CTNNA2: variants seen among roughly 807,000 people sequenced by gnomAD.
CTNNA2 encodes catenin alpha 2.
CTNNA2 carries 42 observed loss-of-function variants against 101.0 expected under a neutral mutation model. The observed-to-expected ratio is 0.42, with a 90% CI of 0.32 to 0.54. CTNNA2 has a LOEUF of 0.54. CTNNA2 is among the 20% of genes least tolerant of loss of function. The pLI is 0.14. For missense variants in CTNNA2, 871 were observed against 1,223.1 expected (o/e 0.71, Z 4.29); for synonymous variants, 450 against 456.4 (o/e 0.99, Z 0.18).
chr2:79,436,413 G>A (rs1182250313), intron 4 of CTNNA2, among the ~76,000 whole-genome samples: 1 of 152,142 alleles, frequency 6.6e-6, no homozygotes, highest in Non-Finnish European at 1.5e-5. Flanking sequence ...TTGGCTAAAT[G>A]TGCTGGGTAG....
At chr2:79,286,941 G>T (rs575100099) in intron 2 of CTNNA2, among the ~76,000 whole-genome samples, 486 of 152,222 alleles carry the variant, frequency 3.2e-3, no homozygotes, top group African/African-American at 0.011. Flanking sequence ...TTTCTTGGAG[G>T]CTTTGCTCAT....
intron 7 of CTNNA2, among the ~76,000 whole-genome samples, chr2:79,916,666 T>C (rs1284943086): frequency 6.1e-5 from 9 of 148,244 alleles, no homozygotes; most frequent in Admixed American, 3.4e-4. Context: ...AGCTGCAAGC[T>C]CCACCTCCTG....
chr2:79,780,375 A>G (rs1310178224), intron 3 of CTNNA2, among the ~76,000 whole-genome samples: 1 of 152,182 alleles, frequency 6.6e-6, no homozygotes, highest in Non-Finnish European at 1.5e-5. Flanking sequence ...CTTTTTGTGA[A>G]CAATCACATT....
chr2:79,758,890 AAAAC>A (rs573746180), intron 3 of CTNNA2, among the ~76,000 whole-genome samples: 6 of 152,224 alleles, frequency 3.9e-5, no homozygotes, highest in Non-Finnish European at 5.9e-5. Flanking sequence ...TTTTGAAAAG[AAAAC>A]AAACAGGTCA....
chr2:80,593,807 G>C (rs535041353), intron 15 of CTNNA2, among the ~76,000 whole-genome samples: 1 of 152,022 alleles, frequency 6.6e-6, no homozygotes, highest in Non-Finnish European at 1.5e-5. Flanking sequence ...ACTCAAATGC[G>C]TTTCCTTTTA....
At chr2:80,647,095 TTGATAC>T (rs1674183228) in intron 18 of CTNNA2, among the ~76,000 whole-genome samples, 1 of 152,216 alleles carries the variant, frequency 6.6e-6, no homozygotes, top group African/African-American at 2.4e-5. Context: ...AATAGTTAAA[TTGATAC>T]TCCAAGCTCA....
At chr2:80,602,788 GAA>G (rs1277886493) in intron 15 of CTNNA2, among the ~76,000 whole-genome samples, 8 of 152,120 alleles carry the variant, frequency 5.3e-5, no homozygotes, top group African/African-American at 1.9e-4. Flanking sequence ...CTACTTTGTG[GAA>G]GAGTTAACGT....
chr2:79,738,568 G>A (rs1356168599), intron 2 of CTNNA2, among the ~76,000 whole-genome samples: 1 of 152,210 alleles, frequency 6.6e-6, no homozygotes, highest in Non-Finnish European at 1.5e-5. Context: ...GGACGGTAAT[G>A]TATGTTCCTT....
At chr2:79,399,020 C>A (rs957732425) in intron 4 of CTNNA2, among the ~76,000 whole-genome samples, 2 of 151,994 alleles carry the variant, frequency 1.3e-5, no homozygotes, top group African/African-American at 4.8e-5. Context: ...TGAATTTAGC[C>A]CATCACATCC....
At chr2:79,342,937 T>G (rs1414094908) in intron 3 of CTNNA2, among the ~76,000 whole-genome samples, 3 of 152,196 alleles carry the variant, frequency 2.0e-5, no homozygotes, top group Non-Finnish European at 4.4e-5. Context: ...TTAAGCGACC[T>G]GCAGGGCCTT....
At chr2:80,447,969 G>GT (rs1190734295) in intron 9 of CTNNA2, among the ~76,000 whole-genome samples, 2 of 152,190 alleles carry the variant, frequency 1.3e-5, no homozygotes, top group Non-Finnish European at 2.9e-5. Context: ...AGATAGCAAT[G>GT]TAACAATAGA....
Position 80,019,716 on chromosome 2 carries a change from C to T in CTNNA2, c.1056+109919C>T, listed in dbSNP as rs562067838. Among the ~76,000 whole-genome samples, 5 of 152,300 alleles carry T rather than the reference C, an allele frequency of 3.3e-5. No individual in the cohort carries two copies. In the South Asian group the frequency reaches 1.0e-3, roughly 32 times the overall value. ...TCTCTTGCCCCTCAGAAACAGCTCC[C>T]AAATTCCTAAAGTAGCATCCTTGTC... On this transcript the variant is annotated intron_variant, in intron 7 of 18. Coordinates refer to ENST00000402739, the MANE Select transcript of CTNNA2 (RefSeq NM_001282597.3).
intron 2 of CTNNA2, among the ~76,000 whole-genome samples, chr2:79,710,593 T>G (rs1392414866): frequency 6.6e-5 from 10 of 152,188 alleles, no homozygotes; most frequent in South Asian, 2.1e-4. Flanking sequence ...CATTTTATTT[T>G]TATTACCTCA....
intron 3 of CTNNA2, among the ~76,000 whole-genome samples, chr2:79,832,855 G>A (rs2105434448): frequency 6.6e-6 from 1 of 152,310 alleles, no homozygotes; most frequent in East Asian, 1.9e-4. Context: ...AGTATATCCA[G>A]ACAGTTCTCC....
At chr2:80,255,032 AG>A (rs952825680) in intron 7 of CTNNA2, among the ~76,000 whole-genome samples, 11 of 152,108 alleles carry the variant, frequency 7.2e-5, no homozygotes, top group African/African-American at 2.7e-4. Flanking sequence ...GAGCAGGTCT[AG>A]GGGGATGAAT....
At chr2:79,314,051 T>C (rs1676441891) in intron 3 of CTNNA2, among the ~76,000 whole-genome samples, 1 of 152,084 alleles carries the variant, frequency 6.6e-6, no homozygotes, top group Non-Finnish European at 1.5e-5. Context: ...CTGTTAGTCA[T>C]TTTTCCTAAC....
rs191345376 is a variant in CTNNA2, at chr2:79,595,189, C to G, written c.-5-56363C>G. On this transcript the variant is annotated intron_variant, in intron 1 of 18. Transcript: ENST00000402739. ...CTCTCACCCGGTTCTGCACTTGTCTCTGACTTAGCCTTGTCTTTTTTCATA... is the reference window on the plus strand; with the variant it reads ...CTCTCACCCGGTTCTGCACTTGTCTGTGACTTAGCCTTGTCTTTTTTCATA... Among the ~76,000 whole-genome samples the G allele has an allele frequency of 2.1e-4, 32 of 152,326 alleles. No individual in the cohort carries two copies. In the South Asian group the frequency reaches 2.9e-3, roughly 14 times the overall value.
At chr2:80,439,502 A>T (rs771736766) in intron 9 of CTNNA2, among the ~76,000 whole-genome samples, 1 of 152,030 alleles carries the variant, frequency 6.6e-6, no homozygotes, top group African/African-American at 2.4e-5. Flanking sequence ...GGGTTCAAGC[A>T]ATTCTCCTGT....
At chr2:79,215,463 T>A (rs1199470829) in intron 2 of CTNNA2, among the ~76,000 whole-genome samples, 1 of 152,234 alleles carries the variant, frequency 6.6e-6, no homozygotes, top group African/African-American at 2.4e-5. Flanking sequence ...AAGGTGAGGT[T>A]AATTAAGTCC....
Sources: allele counts gnomAD v4.1 joint callset (sites outside exome capture counted in the v4.1 genomes callset), GRCh38; gene constraint gnomAD v4.1.1; transcripts MANE v1.5; gene names NCBI Gene and HGNC (gene_info 2026-07-23, HGNC 2026-07-21).